The following NTRK2 variants were observed in gnomAD, a reference collection of about 807,000 sequenced individuals.
NTRK2 encodes neurotrophic receptor tyrosine kinase 2, also known as BDNF/NT-3 growth factors receptor.
A neutral mutation model predicts 94.5 loss-of-function variants in NTRK2; 13 were observed. The observed-to-expected ratio is 0.14, with a 90% CI of 0.09 to 0.22. The LOEUF (loss-of-function observed/expected upper bound fraction) is 0.22, where lower values mean the gene tolerates loss of function less well. Among genes scored for constraint, NTRK2 ranks in the 10% least tolerant of loss-of-function variants. NTRK2 has a pLI of 1.00. For missense variants in NTRK2, 639 were observed against 1,071.2 expected (o/e 0.60, Z 5.63); for synonymous variants, 372 against 407.4 (o/e 0.91, Z 1.05).
rs139760229 is a variant in NTRK2, at chr9:84,819,103, C to T, written c.1397-41937C>T. On this transcript the variant is annotated intron_variant, in intron 12 of 18. Transcript: ENST00000277120. ...CTCTGCCTGACCATAAATTAATGAA[C>T]AGTAAGTTCCCTCCCTCTCTCTTTT... 1.5e-3 allele frequency among the ~76,000 whole-genome samples: 232 copies of T among 152,282 alleles called. 2 individuals are homozygous for T. The highest frequency in any genetic ancestry group is 5.3e-3 in the African/African-American group (222 of 41,548).
At chr9:84,892,988 TC>T (rs1170616085) in intron 14 of NTRK2, among the ~76,000 whole-genome samples, 1 of 151,952 alleles carries the variant, frequency 6.6e-6, no homozygotes, top group African/African-American at 2.4e-5. Context: ...CCTGCCTCCC[TC>T]CCTTCCTTTT....
intron 12 of NTRK2, among the ~76,000 whole-genome samples, chr9:84,825,362 T>G (rs1352235983): frequency 6.6e-6 from 1 of 152,106 alleles, no homozygotes; most frequent in Admixed American, 6.5e-5. Flanking sequence ...AAGTCCAAGC[T>G]TCTCAAAAGA....
intron 13 of NTRK2, among the ~76,000 whole-genome samples, chr9:84,862,474 A>G (rs2075382493): frequency 6.6e-6 from 1 of 152,228 alleles, no homozygotes; most frequent in Non-Finnish European, 1.5e-5. Context: ...TTTGCACTGC[A>G]GAAGGGTGCT....
chr9:84,685,163 AT>A (rs1012279683), intron 2 of NTRK2, among the ~76,000 whole-genome samples: 13 of 149,158 alleles, frequency 8.7e-5, no homozygotes, highest in South Asian at 2.1e-4. Context: ...TTGTTTTATT[AT>A]TTTTTTTTTC....
chr9:84,691,034 A>G (rs1048623823), intron 2 of NTRK2, among the ~76,000 whole-genome samples: 1 of 152,232 alleles, frequency 6.6e-6, no homozygotes, highest in African/African-American at 2.4e-5. Flanking sequence ...AAAGAATTAA[A>G]GACAAGAACT....
chr9:84,783,470 C>T (rs147220060), intron 12 of NTRK2, among the ~76,000 whole-genome samples: 10 of 152,308 alleles, frequency 6.6e-5, no homozygotes, highest in African/African-American at 2.2e-4. Context: ...ATTTTATTCA[C>T]TTTCAGATAT....
At chr9:84,689,667 A>G (rs929055449) in intron 2 of NTRK2, among the ~76,000 whole-genome samples, 1 of 152,170 alleles carries the variant, frequency 6.6e-6, no homozygotes, top group Non-Finnish European at 1.5e-5. Flanking sequence ...TTTTAAGTTC[A>G]TATTTCAGTG....
intron 12 of NTRK2, among the ~76,000 whole-genome samples, chr9:84,858,333 TTTTG>T (rs1360992860): frequency 2.0e-5 from 3 of 152,262 alleles, no homozygotes; most frequent in African/African-American, 7.2e-5. Flanking sequence ...TGAGTGTTTT[TTTTG>T]TTTGTTTGTT....
chr9:84,810,202 T>C (rs906387780), intron 12 of NTRK2, among the ~76,000 whole-genome samples: 11 of 152,214 alleles, frequency 7.2e-5, no homozygotes, highest in African/African-American at 2.7e-4. Flanking sequence ...TCATTTGTAT[T>C]GTACACAGAT....
At chr9:84,935,155 G>C (rs2078173611) in intron 15 of NTRK2, among the ~76,000 whole-genome samples, 1 of 152,082 alleles carries the variant, frequency 6.6e-6, no homozygotes, top group African/African-American at 2.4e-5. Flanking sequence ...TATGGACATG[G>C]CTAATGTAAT....
At chr9:84,744,825 G>C (rs924206234) in intron 10 of NTRK2, 148 bp from the exon 11 acceptor site, 1 of 760,138 alleles carries the variant, frequency 1.3e-6, no homozygotes. Flanking sequence ...TCAGCAGCCT[G>C]GTCACGTCCC....
intron 12 of NTRK2, among the ~76,000 whole-genome samples, chr9:84,838,330 T>C (rs1203584417): frequency 6.6e-6 from 1 of 152,088 alleles, no homozygotes; most frequent in Non-Finnish European, 1.5e-5. Flanking sequence ...AAGAAAATAG[T>C]GTGCAGTAAT....
chr9:84,705,628 C>G (rs1162500704), intron 4 of NTRK2, among the ~76,000 whole-genome samples: 1 of 152,050 alleles, frequency 6.6e-6, no homozygotes, highest in Non-Finnish European at 1.5e-5. Context: ...CTCTCTCTGC[C>G]TTTTTCTTGA....
intron 15 of NTRK2, 73 bp downstream of exon 15, chr9:84,934,365 A>AT: frequency 1.3e-6 from 2 of 1,557,302 alleles, no homozygotes; most frequent in Non-Finnish European, 1.8e-6. Flanking sequence ...CTATTTTATT[A>AT]TATTTTGGTG....
At chr9:84,764,777 C>T (rs2065884228) in intron 12 of NTRK2, among the ~76,000 whole-genome samples, 1 of 152,160 alleles carries the variant, frequency 6.6e-6, no homozygotes, top group African/African-American at 2.4e-5. Context: ...TGTTGCAGCA[C>T]TGTTCACAAT....
chr9:84,685,032 T>G (rs1460411121), intron 2 of NTRK2, among the ~76,000 whole-genome samples: 1 of 152,120 alleles, frequency 6.6e-6, no homozygotes, highest in African/African-American at 2.4e-5. Flanking sequence ...GATTATTCCC[T>G]TTTCTAAGAG....
intron 12 of NTRK2, among the ~76,000 whole-genome samples, chr9:84,844,508 A>G (rs11140784): frequency 0.029 from 4,437 of 152,176 alleles, 176 homozygotes; most frequent in East Asian, 0.22. Context: ...TAACTTTCAT[A>G]AATCTGTGGT....
intron 12 of NTRK2, among the ~76,000 whole-genome samples, chr9:84,763,452 A>T (rs1374104752): frequency 6.6e-6 from 1 of 151,110 alleles, no homozygotes; most frequent in Non-Finnish European, 1.5e-5. Flanking sequence ...ATATATGTGG[A>T]TCTTGGTTTT....
chr9:84,802,155 T>A (rs1007595017), intron 12 of NTRK2, among the ~76,000 whole-genome samples: 2 of 152,234 alleles, frequency 1.3e-5, no homozygotes, highest in African/African-American at 4.8e-5. Context: ...ATTTTTATTT[T>A]AAAAAATCTA....
Sources: gnomAD v4.1 joint callset for allele counts (sites outside exome capture counted in the v4.1 genomes callset) on GRCh38, gnomAD v4.1.1 for gene constraint, MANE v1.5 for transcripts, NCBI Gene and HGNC (gene_info 2026-07-23, HGNC 2026-07-21) for gene names.